Variants in MGAT4C observed in about 807,000 individuals in gnomAD.
The protein encoded by MGAT4C is MGAT4 family member C, also known as alpha-1,3-mannosyl-glycoprotein 4-beta-N-acetylglucosaminyltransferase C.
Under a neutral mutation model 40.1 loss-of-function variants are expected in MGAT4C, and 19 were observed. The ratio of observed to expected loss-of-function variants is 0.47; its 90% confidence interval spans 0.33 to 0.70. MGAT4C has a LOEUF of 0.70. Among genes scored for constraint, MGAT4C ranks in the 30% least tolerant of loss-of-function variants. The probability of loss-of-function intolerance (pLI) is 0.02; values close to 1 mark genes in which losing one functional copy is unlikely to be tolerated. For synonymous variants in MGAT4C, 181 were observed against 187.1 expected, an observed-to-expected ratio of 0.97 and a Z score of 0.27; for missense variants, 491 against 563.2, an observed-to-expected ratio of 0.87 and a Z score of 1.30.
At chr12:86,434,452 A>T (rs1957101519) in intron 3 of MGAT4C, among the ~76,000 whole-genome samples, 1 of 151,902 alleles carries the variant, frequency 6.6e-6, no homozygotes, top group Admixed American at 6.6e-5. Context: ...ATGTATACAC[A>T]TGTATATGCT....
intron 3 of MGAT4C, among the ~76,000 whole-genome samples, chr12:86,365,224 A>G (rs1398451967): frequency 6.6e-6 from 1 of 152,208 alleles, no homozygotes; most frequent in Non-Finnish European, 1.5e-5. Context: ...AAGAAGAGAA[A>G]TATGGCTCTG....
intron 1 of MGAT4C, among the ~76,000 whole-genome samples, chr12:86,123,921 T>C (rs1879842751): frequency 6.6e-6 from 1 of 152,132 alleles, no homozygotes; most frequent in African/African-American, 2.4e-5. Context: ...AATTCAACTA[T>C]GAAATGAGAT....
intron 2 of MGAT4C, among the ~76,000 whole-genome samples, chr12:86,461,406 C>T (rs1461927377): frequency 2.0e-5 from 3 of 151,806 alleles, no homozygotes; most frequent in Non-Finnish European, 2.9e-5. Flanking sequence ...CCACCGCGCC[C>T]GGTTAATTTT....
intron 4 of MGAT4C, among the ~76,000 whole-genome samples, chr12:86,267,244 C>G (rs1952811217): frequency 6.6e-6 from 1 of 152,070 alleles, no homozygotes; most frequent in South Asian, 2.1e-4. Flanking sequence ...CTATAAAGTT[C>G]TCTCTTAGCA....
chr12:86,217,215 C>T (rs1950705862), intron 1 of MGAT4C, among the ~76,000 whole-genome samples: 1 of 152,152 alleles, frequency 6.6e-6, no homozygotes, highest in African/African-American at 2.4e-5. Flanking sequence ...CACTCTGTCA[C>T]CTAGACTGGA....
At chr12:86,636,430 G>T (rs761277134) in intron 2 of MGAT4C, among the ~76,000 whole-genome samples, 4 of 151,868 alleles carry the variant, frequency 2.6e-5, no homozygotes, top group African/African-American at 9.7e-5. Flanking sequence ...TTTGAAGTTC[G>T]ATCTACCTAT....
intron 2 of MGAT4C, among the ~76,000 whole-genome samples, chr12:86,576,187 T>C (rs1454611577): frequency 6.6e-6 from 1 of 152,004 alleles, no homozygotes; most frequent in African/African-American, 2.4e-5. Context: ...ATTAGATTTT[T>C]TTCCTCTAAA....
intron 1 of MGAT4C, among the ~76,000 whole-genome samples, chr12:86,120,038 G>T (rs1481002032): frequency 6.6e-6 from 1 of 151,402 alleles, no homozygotes; most frequent in Non-Finnish European, 1.5e-5. Flanking sequence ...ACATTGTTTT[G>T]CTATGTTTTA....
chr12:86,363,348 A>C lies in MGAT4C; in HGVS notation c.-119-29221T>G, dbSNP rs184938907. ...TCACAAAGTATTTGGAAATTAAACA[A>C]CATACTTGAAAATAATTTATAAGTC... On this transcript the variant is annotated intron_variant, in intron 3 of 7. Coordinates refer to the MGAT4C transcript ENST00000548651. Among the ~76,000 whole-genome samples the C allele has an allele frequency of 1.2e-3, 181 of 152,244 alleles. 2 individuals carry two copies. The highest frequency in any genetic ancestry group is 2.0e-3 in the Non-Finnish European group (133 of 67,970).
chr12:86,675,912 A>G (rs1964383259), intron 2 of MGAT4C, among the ~76,000 whole-genome samples: 3 of 151,886 alleles, frequency 2.0e-5, no homozygotes, highest in Admixed American at 2.0e-4. Flanking sequence ...AGTCTATCAA[A>G]TTAGGTCTTA....
At chr12:86,164,294 C>A (rs1885941713) in intron 1 of MGAT4C, among the ~76,000 whole-genome samples, 1 of 152,040 alleles carries the variant, frequency 6.6e-6, no homozygotes, top group Non-Finnish European at 1.5e-5. Context: ...AGGTAAGTTG[C>A]CAGCAAATTG....
At chr12:86,172,581 G>T (rs2135836059) in intron 1 of MGAT4C, among the ~76,000 whole-genome samples, 1 of 152,050 alleles carries the variant, frequency 6.6e-6, no homozygotes, top group African/African-American at 2.4e-5. Context: ...TCTATACTCA[G>T]CCAGAACACT....
intron 3 of MGAT4C, among the ~76,000 whole-genome samples, chr12:86,354,052 C>T (rs748603781): frequency 8.3e-4 from 127 of 152,144 alleles, no homozygotes; most frequent in Non-Finnish European, 1.3e-3. Context: ...ATGAAAAGTT[C>T]GAAAAAACTT....
intron 2 of MGAT4C, among the ~76,000 whole-genome samples, chr12:86,712,199 C>A (rs1950568152): frequency 6.6e-6 from 1 of 151,988 alleles, no homozygotes; most frequent in African/African-American, 2.4e-5. Context: ...AAGATATCCA[C>A]AATTTTTAAA....
chr12:86,783,928 G>A (rs924784078), intron 1 of MGAT4C, among the ~76,000 whole-genome samples: 18 of 152,016 alleles, frequency 1.2e-4, no homozygotes, highest in Non-Finnish European at 1.9e-4. Context: ...TAATACAGAA[G>A]GAAAAATTCA....
intron 3 of MGAT4C, among the ~76,000 whole-genome samples, chr12:86,389,795 T>C (rs1479454091): frequency 6.6e-6 from 1 of 152,228 alleles, no homozygotes; most frequent in Non-Finnish European, 1.5e-5. Context: ...AAATTTTACA[T>C]TATTTCAAAA....
chr12:86,014,619 A>G (rs576087849), intron 2 of MGAT4C, among the ~76,000 whole-genome samples: 1 of 152,108 alleles, frequency 6.6e-6, no homozygotes, highest in East Asian at 1.9e-4. Flanking sequence ...CTCATAATTT[A>G]CGCTGTGAAA....
chr12:86,013,371 A>C (rs1403649985), intron 2 of MGAT4C, among the ~76,000 whole-genome samples: 1 of 152,118 alleles, frequency 6.6e-6, no homozygotes, highest in Non-Finnish European at 1.5e-5. Context: ...CTCCTCAAGT[A>C]GCTGGGACTA....
At chr12:85,984,332 A>AGATATCT (rs1383166864) in intron 3 of MGAT4C, among the ~76,000 whole-genome samples, 2 of 152,248 alleles carry the variant, frequency 1.3e-5, no homozygotes, top group Non-Finnish European at 2.9e-5. Flanking sequence ...AAATTAAGGT[A>AGATATCT]ATGTGTAGAT....
Sources: gnomAD v4.1 joint callset for allele counts (sites outside exome capture counted in the v4.1 genomes callset) on GRCh38, gnomAD v4.1.1 for gene constraint, MANE v1.5 for transcripts, NCBI Gene and HGNC (gene_info 2026-07-23, HGNC 2026-07-21) for gene names.